PBX1: variants seen among roughly 807,000 people sequenced by gnomAD.
The protein encoded by PBX1 is PBX homeobox 1.
In PBX1, 6 loss-of-function variants were observed where a neutral mutation model predicts 53.4. The ratio of observed to expected loss-of-function variants is 0.11; its 90% CI spans 0.06 to 0.22. PBX1 has a LOEUF of 0.22. Ranked by LOEUF, PBX1 falls within the 10% of genes least tolerant of loss-of-function variation. The pLI, the probability that PBX1 is intolerant of heterozygous loss-of-function variation, is 1.00. For synonymous variants in PBX1, 204 were observed against 212.3 expected (o/e 0.96, Z 0.34); for missense variants, 251 against 551.4 (o/e 0.46, Z 5.46).
chr1:164,682,911 C>T (rs1364173711), intron 2 of PBX1: 2 of 136,416 alleles, frequency 1.5e-5, no homozygotes, highest in Non-Finnish European at 3.2e-5. Flanking sequence ...TTAGAGTTGT[C>T]AGGCCCTTTT....
intron 2 of PBX1, among the ~76,000 whole-genome samples, chr1:164,645,087 G>A (rs116683885): frequency 1.5e-3 from 224 of 152,324 alleles, no homozygotes; most frequent in African/African-American, 5.2e-3. Context: ...AGACATAAAG[G>A]AGTGGGAGGA....
chr1:164,691,099 C>T (rs1013269215), intron 2 of PBX1, among the ~76,000 whole-genome samples: 2 of 149,790 alleles, frequency 1.3e-5, no homozygotes, highest in African/African-American at 5.0e-5. Flanking sequence ...ACTGCAACCT[C>T]TGCTTCCCGG....
At chr1:164,722,160 C>A (rs1011108923) in intron 2 of PBX1, among the ~76,000 whole-genome samples, 28 of 152,190 alleles carry the variant, frequency 1.8e-4, no homozygotes, top group African/African-American at 2.4e-5. Flanking sequence ...TGCTCTGCAA[C>A]CATTTTCTGT....
intron 2 of PBX1, among the ~76,000 whole-genome samples, chr1:164,581,309 C>A (rs1654603331): frequency 6.6e-6 from 1 of 151,406 alleles, no homozygotes; most frequent in Non-Finnish European, 1.5e-5. Flanking sequence ...CTCACTGCAA[C>A]CTCCGCCTCT....
intron 2 of PBX1, among the ~76,000 whole-genome samples, chr1:164,656,770 G>A (rs866678266): frequency 6.6e-6 from 1 of 152,070 alleles, no homozygotes. Flanking sequence ...AATAATGTAT[G>A]AGACTTGTAG....
intron 2 of PBX1, among the ~76,000 whole-genome samples, chr1:164,669,144 C>A (rs1307465635): frequency 1.3e-5 from 2 of 151,616 alleles, no homozygotes; most frequent in Non-Finnish European, 2.9e-5. Flanking sequence ...TTTTGGTATT[C>A]TTTATGGTAA....
Position 164,792,753 on chromosome 1 carries a change from C to T in PBX1, c.510+15C>T. The stretch of plus-strand genomic sequence containing the variant: ...AATACGAGCAGGTAACCAGAACCAC[C>T]TGGGGCTCGGCACCCAGGCCCTTTA... On this transcript the variant is annotated intron_variant, in intron 3 of 8. Transcript: ENST00000420696. 6.3e-7 allele frequency: 1 copy of T among 1,579,132 alleles called. No homozygotes were observed. The highest frequency in any genetic ancestry group is 8.6e-7 in the Non-Finnish European group (1 of 1,156,528).
intron 2 of PBX1, among the ~76,000 whole-genome samples, chr1:164,644,400 A>C (rs1175323621): frequency 6.6e-6 from 1 of 152,202 alleles, no homozygotes; most frequent in Non-Finnish European, 1.5e-5. Context: ...GGAGCAGTCT[A>C]TATTAGGAGG....
At chr1:164,599,248 A>T (rs192134221) in intron 2 of PBX1, among the ~76,000 whole-genome samples, 36 of 151,454 alleles carry the variant, frequency 2.4e-4, no homozygotes, top group South Asian at 2.1e-3. Flanking sequence ...CTTTTTTTTT[A>T]AAATTAATTA....
chr1:164,748,571 T>C (rs1423385019), intron 2 of PBX1, among the ~76,000 whole-genome samples: 1 of 152,184 alleles, frequency 6.6e-6, no homozygotes, highest in Non-Finnish European at 1.5e-5. Context: ...TCTTTCCCTG[T>C]GATTCACATA....
At chr1:164,786,720 T>TGTGTGTGCGCGCGC (rs1357886882) in intron 2 of PBX1, among the ~76,000 whole-genome samples, 20 of 116,296 alleles carry the variant, frequency 1.7e-4, no homozygotes, top group African/African-American at 6.9e-4. Context: ...TGTGTGTGTG[T>TGTGTGTGCGCGCGC]GCGCGCGCAC....
At chr1:164,626,756 C>T (rs1437925113) in intron 2 of PBX1, among the ~76,000 whole-genome samples, 2 of 152,170 alleles carry the variant, frequency 1.3e-5, no homozygotes, top group Admixed American at 6.6e-5. Context: ...TCCTGAATCT[C>T]TCGTGTTTAG....
intron 2 of PBX1, among the ~76,000 whole-genome samples, chr1:164,859,149 G>A (rs1672039578): frequency 6.6e-6 from 1 of 152,170 alleles, no homozygotes; most frequent in Non-Finnish European, 1.5e-5. Flanking sequence ...GGGATACCCG[G>A]TTGTTCCCCA....
At chr1:164,629,650 G>GT (rs1658282583) in intron 2 of PBX1, among the ~76,000 whole-genome samples, 1 of 152,176 alleles carries the variant, frequency 6.6e-6, no homozygotes, top group African/African-American at 2.4e-5. Flanking sequence ...CAATTTGTTA[G>GT]TTTTTTAAAA....
At chr1:164,776,801 T>G (rs1396927236) in intron 2 of PBX1, among the ~76,000 whole-genome samples, 1 of 152,164 alleles carries the variant, frequency 6.6e-6, no homozygotes, top group Non-Finnish European at 1.5e-5. Context: ...ATCTGTGAGC[T>G]TAGTATACTT....
intron 2 of PBX1, 75 bp downstream of exon 2, chr1:164,563,386 T>G: frequency 1.1e-6 from 1 of 917,170 alleles, no homozygotes; most frequent in African/African-American, 1.7e-5. Flanking sequence ...ACAAATCTAT[T>G]ATTTAAATAT....
At chr1:164,711,306 C>T (rs1180497214) in intron 2 of PBX1, among the ~76,000 whole-genome samples, 3 of 152,192 alleles carry the variant, frequency 2.0e-5, no homozygotes, top group African/African-American at 7.2e-5. Context: ...CTCTGTCGCC[C>T]ATGCTGGAGT....
chr1:164,613,199 T>C (rs1020616977), intron 2 of PBX1, among the ~76,000 whole-genome samples: 1 of 152,246 alleles, frequency 6.6e-6, no homozygotes, highest in African/African-American at 2.4e-5. Flanking sequence ...CTTAGCAATG[T>C]CAAGCCTTAT....
intron 8 of PBX1, among the ~76,000 whole-genome samples, chr1:164,838,178 G>T (rs953255971): frequency 6.6e-6 from 1 of 152,146 alleles, no homozygotes; most frequent in Non-Finnish European, 1.5e-5. Flanking sequence ...AAAATTCAAG[G>T]TAGTAACTTC....
Sources: allele counts gnomAD v4.1 joint callset (sites outside exome capture counted in the v4.1 genomes callset), GRCh38; gene constraint gnomAD v4.1.1; transcripts MANE v1.5; gene names NCBI Gene and HGNC (gene_info 2026-07-23, HGNC 2026-07-21).